Variants in EPC2 observed in about 807,000 individuals in gnomAD.
The protein encoded by EPC2 is enhancer of polycomb homolog 2.
A neutral mutation model predicts 92.1 loss-of-function variants in EPC2; 14 were observed. The ratio of observed to expected loss-of-function variants is 0.15; its 90% CI spans 0.10 to 0.24. The LOEUF (loss-of-function observed/expected upper bound fraction) is 0.24. Among genes scored for constraint, EPC2 ranks in the 10% least tolerant of loss-of-function variants. The probability of loss-of-function intolerance (pLI) is 1.00; values close to 1 mark genes in which losing one functional copy is unlikely to be tolerated. For synonymous variants in EPC2, 340 were observed against 334.7 expected (o/e 1.02, Z -0.17); for missense variants, 755 against 971.5 (o/e 0.78, Z 2.96).
chr2:148,702,047 A>C (rs1463262273), intron 2 of EPC2, among the ~76,000 whole-genome samples: 4 of 151,514 alleles, frequency 2.6e-5, no homozygotes, highest in Admixed American at 1.3e-4. Context: ...TGTCTGTTGG[A>C]TGAGTAGTGA....
intron 2 of EPC2, among the ~76,000 whole-genome samples, chr2:148,740,112 C>G (rs541300805): frequency 4.0e-5 from 6 of 151,402 alleles, no homozygotes; most frequent in Admixed American, 1.3e-4. Flanking sequence ...ATCTGGGTTT[C>G]AAAAAGTGAG....
chr2:148,684,718 T>G (rs1406738623), intron 1 of EPC2, among the ~76,000 whole-genome samples: 1 of 152,228 alleles, frequency 6.6e-6, no homozygotes, highest in Non-Finnish European at 1.5e-5. Context: ...CCCCTATGCC[T>G]ACTTACATAC....
chr2:148,768,682 T>A (rs559153725), intron 7 of EPC2, among the ~76,000 whole-genome samples: 169 of 151,990 alleles, frequency 1.1e-3, no homozygotes, highest in Middle Eastern at 0.01. Flanking sequence ...GCCTTTGGGG[T>A]TTTTTTTGTT....
At chr2:148,663,195 T>TATC (rs763562188) in intron 1 of EPC2, among the ~76,000 whole-genome samples, 11 of 5,700 alleles carry the variant, frequency 1.9e-3, no homozygotes, top group East Asian at 0.019. Flanking sequence ...TGTGTTTTTG[T>TATC]ATTATTATTA....
chr2:148,758,296 A>G (rs1683231829), intron 4 of EPC2, among the ~76,000 whole-genome samples: 1 of 152,240 alleles, frequency 6.6e-6, no homozygotes, highest in South Asian at 2.1e-4. Flanking sequence ...GCAGATAATT[A>G]TTTCAGGCAA....
At chr2:148,648,867 A>G (rs1446273912) in intron 1 of EPC2, among the ~76,000 whole-genome samples, 1 of 152,164 alleles carries the variant, frequency 6.6e-6, no homozygotes, top group African/African-American at 2.4e-5. Context: ...CTTCTTTTGG[A>G]CATCCAAACA....
chr2:148,726,386 G>C (rs970897998), intron 2 of EPC2, among the ~76,000 whole-genome samples: 2 of 152,094 alleles, frequency 1.3e-5, no homozygotes, highest in Admixed American at 1.3e-4. Flanking sequence ...TTTCATAAGG[G>C]CTGTACCAGC....
Position 148,746,226 on chromosome 2 carries a change from CTT to C in EPC2, c.459+2461_459+2462del, listed in dbSNP as rs202001250. ...AATGTATTACCTTTGGCCTTGACCTCTTTCTCAAACTCCAGGATTTTTTTCCC... is the reference window on the plus strand; with the variant it reads ...AATGTATTACCTTTGGCCTTGACCTCTCTCAAACTCCAGGATTTTTTTCCC... On this transcript the variant is annotated intron_variant, in intron 3 of 13. Coordinates refer to ENST00000258484, the MANE Select transcript of EPC2 (RefSeq NM_015630.4). Among the ~76,000 whole-genome samples, 26 of 152,130 alleles carry C rather than the reference CTT, an allele frequency of 1.7e-4. No homozygotes were observed. The East Asian group carries it at 5.0e-3, about 29-fold the overall frequency.
intron 1 of EPC2, among the ~76,000 whole-genome samples, chr2:148,672,780 T>C (rs141673189): frequency 6.6e-6 from 1 of 152,336 alleles, no homozygotes; most frequent in Non-Finnish European, 1.5e-5. Context: ...ATATTTACTT[T>C]TACCTAAGTT....
intron 2 of EPC2, among the ~76,000 whole-genome samples, chr2:148,737,901 C>T (rs905838081): frequency 6.6e-6 from 1 of 152,000 alleles, no homozygotes; most frequent in African/African-American, 2.4e-5. Context: ...TCCTGGGCTG[C>T]ATGCGGCCCG....
intron 2 of EPC2, among the ~76,000 whole-genome samples, chr2:148,729,699 G>A (rs1574609021): frequency 6.6e-6 from 1 of 152,144 alleles, no homozygotes; most frequent in East Asian, 1.9e-4. Context: ...TAGTTAGAGA[G>A]AGAATAAAAG....
chr2:148,673,970 A>G (rs924031544), intron 1 of EPC2, among the ~76,000 whole-genome samples: 2 of 152,116 alleles, frequency 1.3e-5, no homozygotes, highest in Non-Finnish European at 2.9e-5. Flanking sequence ...TTTTTATTAG[A>G]TAATTCATAG....
intron 10 of EPC2, among the ~76,000 whole-genome samples, chr2:148,778,741 TAATA>T (rs1683695494): frequency 1.3e-5 from 2 of 152,136 alleles, no homozygotes; most frequent in African/African-American, 4.8e-5. Flanking sequence ...TTTGAAGTAA[TAATA>T]AACAGTGCTC....
At chr2:148,778,432 A>G (rs1423290963) in intron 10 of EPC2, among the ~76,000 whole-genome samples, 2 of 152,112 alleles carry the variant, frequency 1.3e-5, no homozygotes, top group Non-Finnish European at 2.9e-5. Context: ...TTGTAATCCA[A>G]AGCAATGTAA....
At chr2:148,647,133 T>C (rs1052976465) in intron 1 of EPC2, among the ~76,000 whole-genome samples, 7 of 151,992 alleles carry the variant, frequency 4.6e-5, no homozygotes, top group Non-Finnish European at 1.0e-4. Flanking sequence ...AAAAAGGAAA[T>C]CTGTTCTAGA....
chr2:148,665,124 C>T (rs1179767538), intron 1 of EPC2, among the ~76,000 whole-genome samples: 1 of 152,172 alleles, frequency 6.6e-6, no homozygotes, highest in African/African-American at 2.4e-5. Context: ...AATGCTGAAC[C>T]TCAGGTTCCA....
chr2:148,729,693 T>G (rs1682579880), intron 2 of EPC2, among the ~76,000 whole-genome samples: 2 of 144,916 alleles, frequency 1.4e-5, no homozygotes, highest in African/African-American at 2.4e-5. Flanking sequence ...AATGCATAGT[T>G]AGAGAGAGAA....
intron 8 of EPC2, among the ~76,000 whole-genome samples, 172 bp from the exon 9 acceptor site, chr2:148,770,620 G>A (rs1299531695): frequency 6.6e-6 from 1 of 151,940 alleles, no homozygotes; most frequent in Non-Finnish European, 1.5e-5. Flanking sequence ...ATTCAATTTT[G>A]TAAAATTTAA....
intron 2 of EPC2, among the ~76,000 whole-genome samples, chr2:148,717,087 C>G (rs962730182): frequency 1.3e-5 from 2 of 151,846 alleles, no homozygotes; most frequent in African/African-American, 4.8e-5. Flanking sequence ...GTGATATCCC[C>G]CTTATCATTT....
Sources: gnomAD v4.1 joint callset for allele counts (sites outside exome capture counted in the v4.1 genomes callset) on GRCh38, gnomAD v4.1.1 for gene constraint, MANE v1.5 for transcripts, NCBI Gene and HGNC (gene_info 2026-07-23, HGNC 2026-07-21) for gene names.